KSR2: variants seen among roughly 807,000 people sequenced by gnomAD.
KSR2 encodes the protein kinase suppressor of ras 2.
Under a neutral mutation model 107.8 loss-of-function variants are expected in KSR2, and 25 were observed. The observed-to-expected ratio is 0.23, with a 90% CI of 0.17 to 0.32. The LOEUF is 0.32. Ranked by LOEUF, KSR2 falls within the 10% of genes least tolerant of loss-of-function variation. The pLI, the probability that KSR2 is intolerant of heterozygous loss-of-function variation, is 1.00. For missense variants in KSR2, 887 were observed against 1,268.9 expected (o/e 0.70, Z 4.57); for synonymous variants, 480 against 507.0 (o/e 0.95, Z 0.71).
rs1871180814 is a variant in KSR2, at chr12:117,467,078, T to G, written c.*121A>C. On this transcript the variant is annotated 3_prime_UTR_variant, in exon 20 of 20. Coordinates refer to ENST00000339824, the MANE Select transcript of KSR2 (RefSeq NM_173598.6). Reference sequence around the variant, plus strand: ...CGAGCAGTTGTCCAGTGCTCCCAGGTCGGTCGGGGTTGGTACCCTCTGATG... The same window carrying G: ...CGAGCAGTTGTCCAGTGCTCCCAGGGCGGTCGGGGTTGGTACCCTCTGATG... 1.9e-6 allele frequency: 1 copy of G among 518,504 alleles called. No individual in the cohort carries two copies. Among genetic ancestry groups the G allele is most frequent in the African/African-American group, 2.0e-5 (1 of 50,270 alleles). The allele number at this position is 518,504 out of a possible 1,614,324, so 32.1% of individuals were successfully genotyped here. A position where few individuals can be genotyped will look rare whatever the true frequency, so the allele number is the denominator to read the frequency against.
intron 4 of KSR2, among the ~76,000 whole-genome samples, chr12:117,685,060 G>A (rs1298324492): frequency 6.6e-6 from 1 of 152,128 alleles, no homozygotes; most frequent in Non-Finnish European, 1.5e-5. Flanking sequence ...TGACAATGCT[G>A]CCTCTGCCCC....
At chr12:117,778,738 T>G (rs1889780373) in intron 3 of KSR2, among the ~76,000 whole-genome samples, 1 of 152,152 alleles carries the variant, frequency 6.6e-6, no homozygotes, top group Non-Finnish European at 1.5e-5. Context: ...TCAGGCTGGC[T>G]CCCACGCATG....
chr12:117,942,667 GTT>G (rs62913160), intron 1 of KSR2, among the ~76,000 whole-genome samples: 8 of 138,788 alleles, frequency 5.8e-5, no homozygotes, highest in Admixed American at 7.3e-5. Flanking sequence ...TTTTTTTTGT[GTT>G]TTTTTTTTTT....
chr12:117,812,071 A>G (rs926031420), intron 3 of KSR2, among the ~76,000 whole-genome samples: 1 of 152,336 alleles, frequency 6.6e-6, no homozygotes, highest in East Asian at 1.9e-4. Context: ...TAAGGTCCCA[A>G]TGTGAGAAGA....
chr12:117,852,475 T>G (rs1305319792), intron 3 of KSR2, among the ~76,000 whole-genome samples: 1 of 152,080 alleles, frequency 6.6e-6, no homozygotes. Flanking sequence ...AGAACTTTCA[T>G]GGTCTCGCAC....
intron 3 of KSR2, among the ~76,000 whole-genome samples, chr12:117,838,480 A>C (rs1429009819): frequency 6.6e-6 from 1 of 152,146 alleles, no homozygotes; most frequent in East Asian, 1.9e-4. Context: ...ACCATGTATA[A>C]TGAAAGTTTT....
chr12:117,880,612 T>C (rs1816021073), intron 1 of KSR2, among the ~76,000 whole-genome samples: 1 of 151,758 alleles, frequency 6.6e-6, no homozygotes, highest in African/African-American at 2.4e-5. Context: ...GGCCATGAAA[T>C]TTACCCTAGG....
intron 13 of KSR2, among the ~76,000 whole-genome samples, chr12:117,525,940 C>A (rs1248229958): frequency 6.6e-6 from 1 of 152,196 alleles, no homozygotes; most frequent in East Asian, 1.9e-4. Flanking sequence ...AATCTGGCCT[C>A]TGTATGACCT....
chr12:117,793,796 C>T (rs1322664206), intron 3 of KSR2, among the ~76,000 whole-genome samples: 4 of 145,788 alleles, frequency 2.7e-5, no homozygotes, highest in Non-Finnish European at 6.0e-5. Flanking sequence ...AACATGCACA[C>T]ATGCAACATG....
At chr12:117,850,410 G>C (rs1377559274) in intron 3 of KSR2, among the ~76,000 whole-genome samples, 1 of 152,294 alleles carries the variant, frequency 6.6e-6, no homozygotes, top group East Asian at 1.9e-4. Context: ...TGAGTACCAA[G>C]ATGTGAAATC....
chr12:117,664,641 C>T (rs1430345500), intron 5 of KSR2, among the ~76,000 whole-genome samples: 3 of 152,100 alleles, frequency 2.0e-5, no homozygotes, highest in African/African-American at 2.4e-5. Flanking sequence ...AGTGGCTAGA[C>T]CTCAGAGTCA....
intron 1 of KSR2, among the ~76,000 whole-genome samples, chr12:117,899,698 T>C (rs1228445974): frequency 6.6e-6 from 1 of 152,190 alleles, no homozygotes; most frequent in Non-Finnish European, 1.5e-5. Flanking sequence ...GAACAAGTGA[T>C]TTGCTTCTAG....
intron 5 of KSR2, among the ~76,000 whole-genome samples, chr12:117,637,067 A>C (rs1206016509): frequency 6.6e-6 from 1 of 152,182 alleles, no homozygotes; most frequent in Non-Finnish European, 1.5e-5. Flanking sequence ...CCTCATCAGC[A>C]ATTAGGGAAA....
intron 5 of KSR2, among the ~76,000 whole-genome samples, chr12:117,662,001 G>A (rs2136467290): frequency 6.6e-6 from 1 of 152,268 alleles, no homozygotes; most frequent in South Asian, 2.1e-4. Context: ...GCATGTAGCA[G>A]GTGGTCAGTA....
At chr12:117,744,287 A>G (rs1238461537) in intron 4 of KSR2, among the ~76,000 whole-genome samples, 1 of 152,142 alleles carries the variant, frequency 6.6e-6, no homozygotes, top group Non-Finnish European at 1.5e-5. Flanking sequence ...CCTAAAATAC[A>G]TGGAGTAACA....
chr12:117,704,924 T>C (rs1886462854), intron 4 of KSR2, among the ~76,000 whole-genome samples: 1 of 152,072 alleles, frequency 6.6e-6, no homozygotes, highest in African/African-American at 2.4e-5. Flanking sequence ...TAGGAGCTAT[T>C]GACTCTAACC....
chr12:117,573,728 CA>C (rs1443832299), intron 7 of KSR2, among the ~76,000 whole-genome samples: 4 of 151,864 alleles, frequency 2.6e-5, no homozygotes, highest in Non-Finnish European at 5.9e-5. Context: ...GGGGTTTCAC[CA>C]TGTTGGCCAG....
At position 117,624,645 on chromosome 12, in the gene KSR2, C is replaced by T. The variant is rs256902; in HGVS notation, c.1172-42286G>A. Among the ~76,000 whole-genome samples, 239 of 152,218 alleles carry T rather than the reference C, an allele frequency of 1.6e-3. 3 individuals are homozygous for T. Among genetic ancestry groups the T allele is most frequent in the Non-Finnish European group, 7.9e-4 (54 of 68,024 alleles). On this transcript the variant is annotated intron_variant, in intron 5 of 19. Transcript: ENST00000339824. ...TGTAGGATAGCTTAAAGTCAGGTAG[C>T]GTGATGCCTCCAGCTTTGTTCTTTT...
intron 1 of KSR2, among the ~76,000 whole-genome samples, chr12:117,935,172 G>T (rs1199610743): frequency 6.6e-6 from 1 of 151,638 alleles, no homozygotes; most frequent in Admixed American, 6.6e-5. Flanking sequence ...GTCTTGCTCT[G>T]TTGCCCAGGC....
Sources: allele counts gnomAD v4.1 joint callset (sites outside exome capture counted in the v4.1 genomes callset), GRCh38; gene constraint gnomAD v4.1.1; transcripts MANE v1.5; gene names NCBI Gene and HGNC (gene_info 2026-07-23, HGNC 2026-07-21).